Variants in PLCH1 observed in about 807,000 individuals in gnomAD.
PLCH1 encodes 1-phosphatidylinositol 4,5-bisphosphate phosphodiesterase eta-1.
Under a neutral mutation model 126.7 loss-of-function variants are expected in PLCH1, and 60 were observed. The observed-to-expected ratio is 0.47, with a 90% CI of 0.38 to 0.59. PLCH1 has a LOEUF of 0.59. PLCH1 is among the 20% of genes least tolerant of loss of function. The pLI is 0.00. For missense variants in PLCH1, 1,723 were observed against 2,040.0 expected (o/e 0.84, Z 2.99); for synonymous variants, 719 against 734.9 (o/e 0.98, Z 0.35).
At chr3:155,521,343 A>AT (rs1202893085) in intron 11 of PLCH1, among the ~76,000 whole-genome samples, 1 of 152,216 alleles carries the variant, frequency 6.6e-6, no homozygotes, top group African/African-American at 2.4e-5. Flanking sequence ...TTACTGATAT[A>AT]TCCTCCAATA....
At position 155,552,369 on chromosome 3, in the gene PLCH1, A is replaced by T. The variant is rs1053232383; in HGVS notation, c.1190+1707T>A. 2.0e-5 allele frequency among the ~76,000 whole-genome samples: 3 copies of T among 152,240 alleles called. 1 individual carries two copies. The South Asian group carries it at 6.2e-4, about 32-fold the overall frequency. ...AGGCAAGTAACCAACCAATTGCAAG[A>T]GGGTGCTATATGATATGACAGAAAT... On this transcript the variant is annotated intron_variant, in intron 9 of 22. Coordinates refer to ENST00000460012, the MANE Select transcript of PLCH1 (RefSeq NM_014996.4).
rs572245234 is a variant in PLCH1 at position 155,609,255 on chromosome 3, C to T, written c.80-12877G>A. 2.0e-5 allele frequency among the ~76,000 whole-genome samples: 3 copies of T among 152,310 alleles called. No homozygotes were observed. In the South Asian group the frequency reaches 6.2e-4, roughly 32 times the overall value. On this transcript the variant is annotated intron_variant, in intron 2 of 22. Coordinates refer to ENST00000460012, the MANE Select transcript of PLCH1 (RefSeq NM_014996.4). Reference sequence around the variant, plus strand: ...ACTTTCCCCAGCACCAGCCCAGAGCCTGATGCCCCACTGGGTGGCTAGACC... The same window carrying T: ...ACTTTCCCCAGCACCAGCCCAGAGCTTGATGCCCCACTGGGTGGCTAGACC...
At chr3:155,614,437 A>G (rs1735526874) in intron 2 of PLCH1, among the ~76,000 whole-genome samples, 1 of 152,200 alleles carries the variant, frequency 6.6e-6, no homozygotes, top group Admixed American at 6.5e-5. Flanking sequence ...TAGTACTGAT[A>G]TAAAAACAGG....
intron 21 of PLCH1, among the ~76,000 whole-genome samples, 180 bp downstream of exon 21, chr3:155,487,848 A>T (rs569546898): frequency 6.6e-6 from 1 of 152,346 alleles, no homozygotes; most frequent in South Asian, 2.1e-4. Flanking sequence ...TTAAATAGTG[A>T]AAAGAGTACA....
intron 2 of PLCH1, among the ~76,000 whole-genome samples, chr3:155,641,966 G>A (rs954375293): frequency 1.3e-5 from 2 of 152,014 alleles, no homozygotes; most frequent in Admixed American, 1.3e-4. Flanking sequence ...ACTAAAAAAT[G>A]GATCAAGAGT....
At chr3:155,688,547 G>C (rs1745128428) in intron 2 of PLCH1, among the ~76,000 whole-genome samples, 1 of 152,162 alleles carries the variant, frequency 6.6e-6, no homozygotes, top group African/African-American at 2.4e-5. Flanking sequence ...CCAAAAATAA[G>C]GTAACAGCTC....
intron 10 of PLCH1, among the ~76,000 whole-genome samples, chr3:155,528,203 G>A (rs1238356569): frequency 3.5e-5 from 5 of 144,098 alleles, no homozygotes; most frequent in East Asian, 2.0e-4. Flanking sequence ...CAGCCTGGGC[G>A]ACAGAGCGAG....
At chr3:155,513,117 G>A (rs975688871) in intron 12 of PLCH1, among the ~76,000 whole-genome samples, 3 of 152,162 alleles carry the variant, frequency 2.0e-5, no homozygotes, top group South Asian at 2.1e-4. Flanking sequence ...CTGGAGTGAC[G>A]TGCTGCCCAG....
At chr3:155,463,490 G>A (rs879869023) in intron 21 of PLCH1, among the ~76,000 whole-genome samples, 6 of 152,182 alleles carry the variant, frequency 3.9e-5, no homozygotes, top group Admixed American at 1.3e-4. Flanking sequence ...GTAGGGGAAA[G>A]AGGACTAACG....
chr3:155,645,712 G>GC (rs1739950137), intron 2 of PLCH1, among the ~76,000 whole-genome samples: 1 of 151,866 alleles, frequency 6.6e-6, no homozygotes, highest in Admixed American at 6.6e-5. Context: ...CAGTCCTCCT[G>GC]CCTCAGCCTC....
chr3:155,453,813 GATAAAT>G (rs1560025875), intron 21 of PLCH1, among the ~76,000 whole-genome samples: 1 of 150,994 alleles, frequency 6.6e-6, no homozygotes, highest in Non-Finnish European at 1.5e-5. Flanking sequence ...TTTATCTATA[GATAAAT>G]ATAGATATTC....
At chr3:155,702,278 A>G (rs1163868721) in intron 2 of PLCH1, among the ~76,000 whole-genome samples, 1 of 152,262 alleles carries the variant, frequency 6.6e-6, no homozygotes, top group South Asian at 2.1e-4. Flanking sequence ...AAGACCGTAC[A>G]CTGCTAGTCA....
Position 155,496,594 on chromosome 3 carries a change from G to T in PLCH1, c.1894+726C>A, listed in dbSNP as rs145653812. 4.6e-5 allele frequency among the ~76,000 whole-genome samples: 7 copies of T among 152,294 alleles called. No homozygotes were observed. In the East Asian group the frequency reaches 7.7e-4, roughly 17 times the overall value. On this transcript the variant is annotated intron_variant, in intron 15 of 22. Transcript: ENST00000460012. ...TGTTGTTTTCCCTTCACTAAAACTTGTTGAGAAATTTGGAGGTCCTGATTT... is the reference window on the plus strand; with the variant it reads ...TGTTGTTTTCCCTTCACTAAAACTTTTTGAGAAATTTGGAGGTCCTGATTT...
At chr3:155,611,505 C>T (rs1342468411) in intron 2 of PLCH1, among the ~76,000 whole-genome samples, 1 of 152,110 alleles carries the variant, frequency 6.6e-6, no homozygotes, top group Non-Finnish European at 1.5e-5. Context: ...AAAACTGTAG[C>T]TCTCAAATTT....
At chr3:155,575,224 T>TA (rs1248433599) in intron 6 of PLCH1, among the ~76,000 whole-genome samples, 4 of 151,938 alleles carry the variant, frequency 2.6e-5, no homozygotes, top group African/African-American at 9.7e-5. Flanking sequence ...GCAAAAAAGA[T>TA]AAAGATACAT....
At chr3:155,539,475 G>A (rs922494286) in intron 10 of PLCH1, among the ~76,000 whole-genome samples, 9 of 152,030 alleles carry the variant, frequency 5.9e-5, no homozygotes, top group Non-Finnish European at 8.8e-5. Flanking sequence ...GTTGCTGTTC[G>A]CTGATGATAT....
At chr3:155,545,586 A>T (rs1725136033) in intron 10 of PLCH1, among the ~76,000 whole-genome samples, 1 of 152,234 alleles carries the variant, frequency 6.6e-6, no homozygotes, top group Non-Finnish European at 1.5e-5. Context: ...ACAAAACCAA[A>T]AAAGAGAATT....
At chr3:155,478,902 T>A (rs1375129547), downstream of PLCH1, among the ~76,000 whole-genome samples, 1 of 152,210 alleles carries the variant, frequency 6.6e-6, no homozygotes, top group African/African-American at 2.4e-5. Context: ...GTACATATGA[T>A]AATTTAGTAC....
At chr3:155,478,037 A>G (rs774602815), downstream of PLCH1, among the ~76,000 whole-genome samples, 90 of 152,192 alleles carry the variant, frequency 5.9e-4, 1 homozygote, top group Non-Finnish European at 1.9e-4. Context: ...AAAATGTGGT[A>G]CATATACACA....
Sources: allele counts gnomAD v4.1 joint callset (sites outside exome capture counted in the v4.1 genomes callset), GRCh38; gene constraint gnomAD v4.1.1; transcripts MANE v1.5; gene names NCBI Gene and HGNC (gene_info 2026-07-23, HGNC 2026-07-21).